The following BLOC1S6 variants were observed in gnomAD, a reference collection of about 807,000 sequenced individuals.
BLOC1S6 encodes the protein biogenesis of lysosome-related organelles complex 1 subunit 6.
In BLOC1S6, 24 loss-of-function variants were observed where a neutral mutation model predicts 24.7. The observed-to-expected ratio is 0.97, with a 90% CI of 0.70 to 1.37. BLOC1S6 has a LOEUF of 1.37. Ranked by LOEUF, BLOC1S6 falls within the 40% of genes most tolerant of loss-of-function variation. The pLI is 0.00. For synonymous variants in BLOC1S6, 76 were observed against 72.6 expected (o/e 1.05, Z -0.23); for missense variants, 175 against 196.2 (o/e 0.89, Z 0.64).
chr15:45,596,960 T>C (rs994262297), intron 2 of BLOC1S6, among the ~76,000 whole-genome samples: 1 of 152,070 alleles, frequency 6.6e-6, no homozygotes, highest in African/African-American at 2.4e-5. Flanking sequence ...CAGGAGTGAG[T>C]CACTGTGCCT....
chr15:45,606,363 C>T, intron 4 of BLOC1S6, 32 bp from the exon 5 acceptor site: 2 of 1,611,662 alleles, frequency 1.2e-6, no homozygotes, highest in Non-Finnish European at 8.5e-7. Flanking sequence ...CCTGATTGCT[C>T]TCTTGGTTTT....
intron 2 of BLOC1S6, among the ~76,000 whole-genome samples, chr15:45,601,947 T>G (rs1251795800): frequency 1.3e-5 from 2 of 152,128 alleles, no homozygotes; most frequent in African/African-American, 2.4e-5. Flanking sequence ...GTGGTGTGAT[T>G]ATAACTCACT....
At chr15:45,594,396 C>G (rs1012315015) in intron 2 of BLOC1S6, among the ~76,000 whole-genome samples, 69 of 152,252 alleles carry the variant, frequency 4.5e-4, no homozygotes, top group African/African-American at 1.7e-3. Context: ...TGTCAGTGGC[C>G]TCCATGGAGC....
intron 4 of BLOC1S6, chr15:45,605,735 G>A: frequency 2.2e-6 from 1 of 448,322 alleles, no homozygotes; most frequent in South Asian, 2.2e-5. Context: ...GATTACAGGT[G>A]CCCGCCACCA....
intron 3 of BLOC1S6, among the ~76,000 whole-genome samples, chr15:45,603,459 C>T (rs1424181131): frequency 2.6e-5 from 4 of 152,190 alleles, no homozygotes; most frequent in Non-Finnish European, 4.4e-5. Flanking sequence ...CCTGTAATCC[C>T]AGCACTTTGG....
rs1449055724 is a variant in BLOC1S6, at chr15:45,608,923, A to G, written c.*2409A>G. 1 of 152,208 alleles carries G rather than the reference A, an allele frequency of 6.6e-6. No individual in the cohort carries two copies. Among genetic ancestry groups the G allele is most frequent in the East Asian group, 1.9e-4 (1 of 5,206 alleles). The allele number at this position is 152,208 out of a possible 1,614,324, so 9.4% of individuals were successfully genotyped here. On this transcript the variant is annotated 3_prime_UTR_variant, in exon 5 of 5. Transcript: ENST00000220531. ...TAAGACTGAACCCCAGTAGACAGGC[A>G]ATAGATATAGAATTCTGGTTAGCTA...
intron 2 of BLOC1S6, among the ~76,000 whole-genome samples, chr15:45,600,274 AT>A (rs1352041059): frequency 6.6e-6 from 1 of 151,566 alleles, no homozygotes; most frequent in African/African-American, 2.4e-5. Flanking sequence ...TGGCACATGT[AT>A]ACATACGTAA....
intron 1 of BLOC1S6, among the ~76,000 whole-genome samples, chr15:45,588,524 C>T (rs1011637428): frequency 6.6e-6 from 1 of 152,166 alleles, no homozygotes; most frequent in Non-Finnish European, 1.5e-5. Context: ...AGGGGATTCT[C>T]CTATACAATT....
intron 3 of BLOC1S6, among the ~76,000 whole-genome samples, chr15:45,603,580 G>A (rs1894342780): frequency 6.6e-6 from 1 of 152,158 alleles, no homozygotes; most frequent in African/African-American, 2.4e-5. Flanking sequence ...TGGGCATGGT[G>A]GCACATGCCT....
intron 2 of BLOC1S6, chr15:45,601,537 A>G (rs1311770179): frequency 2.6e-5 from 4 of 152,214 alleles, no homozygotes; most frequent in Non-Finnish European, 5.9e-5. Context: ...TATCAAATTT[A>G]TGAGCACTGA....
At chr15:45,601,104 A>G (rs1490782662) in intron 2 of BLOC1S6, 1 of 153,186 alleles carries the variant, frequency 6.5e-6, no homozygotes, top group Non-Finnish European at 1.5e-5. Context: ...TAAGTTAGGC[A>G]TAGTAAGAGA....
intron 1 of BLOC1S6, chr15:45,587,870 C>T: frequency 1.5e-6 from 1 of 662,256 alleles, no homozygotes; most frequent in South Asian, 1.7e-5. Context: ...GCTTATAATT[C>T]AGAGAGGTGA....
At chr15:45,602,941 A>G (rs1040330043) in intron 2 of BLOC1S6, among the ~76,000 whole-genome samples, 159 bp from the exon 3 acceptor site, 10 of 152,236 alleles carry the variant, frequency 6.6e-5, no homozygotes, top group African/African-American at 2.4e-4. Context: ...TTAGAATATT[A>G]TTTTGAAAAA....
rs1894412985 is a variant in BLOC1S6 at position 45,605,412 on chromosome 15, A to AT, written c.313-11dup. 5.7e-6 allele frequency: 9 copies of AT among 1,584,404 alleles called. No homozygotes were observed. Among genetic ancestry groups the AT allele is most frequent in the Non-Finnish European group, 7.8e-6 (9 of 1,154,356 alleles). The stretch of plus-strand genomic sequence containing the variant: ...TCTATTTTAACTTGACTTTTCATTT[A>AT]TTTTTCCATGTTAAGTTTGCTGAGG... On this transcript the variant is annotated splice_polypyrimidine_tract_variant and intron_variant, in intron 3 of 4. Transcript: ENST00000220531.
intron 1 of BLOC1S6, 186 bp from the exon 2 acceptor site, chr15:45,591,949 C>A: frequency 3.1e-6 from 2 of 642,968 alleles, no homozygotes; most frequent in Non-Finnish European, 5.2e-6. Context: ...ACTCCCCAAC[C>A]TCCTTTTATT....
chr15:45,603,021 CA>C, intron 2 of BLOC1S6, 78 bp from the exon 3 acceptor site: 1 of 908,754 alleles, frequency 1.1e-6, no homozygotes, highest in Non-Finnish European at 1.8e-6. Context: ...TACCATTAAC[CA>C]AGATGAATAT....
intron 4 of BLOC1S6, 95 bp downstream of exon 4, chr15:45,605,609 G>A (rs1405602159): frequency 9.8e-7 from 1 of 1,016,616 alleles, no homozygotes; most frequent in African/African-American, 1.7e-5. Flanking sequence ...TTTTTTTTGA[G>A]ACGGAGTTTT....
chr15:45,587,584 G>C, intron 1 of BLOC1S6, 59 bp downstream of exon 1: 1 of 1,476,120 alleles, frequency 6.8e-7, no homozygotes, highest in Non-Finnish European at 9.2e-7. Context: ...GGGGACCTGA[G>C]TGAGTAGAAC....
intron 2 of BLOC1S6, among the ~76,000 whole-genome samples, chr15:45,596,808 C>A (rs113887184): frequency 6.6e-6 from 1 of 151,546 alleles, no homozygotes; most frequent in Non-Finnish European, 1.5e-5. Flanking sequence ...TCCCAAGTAG[C>A]GGGATTATAG....
Sources: gnomAD v4.1 joint callset for allele counts (sites outside exome capture counted in the v4.1 genomes callset) on GRCh38, gnomAD v4.1.1 for gene constraint, MANE v1.5 for transcripts, NCBI Gene and HGNC (gene_info 2026-07-23, HGNC 2026-07-21) for gene names.